GLI2: variants seen among roughly 807,000 people sequenced by gnomAD.
The protein encoded by GLI2 is GLI family zinc finger 2, also known as transcription activator GLI2.
Under a neutral mutation model 78.9 loss-of-function variants are expected in GLI2, and 22 were observed. That is an observed-to-expected ratio of 0.28 (90% CI 0.20 to 0.40). The LOEUF (loss-of-function observed/expected upper bound fraction) is 0.40, where lower values mean the gene tolerates loss of function less well. Ranked by LOEUF, GLI2 falls within the 10% of genes least tolerant of loss-of-function variation. The pLI, the probability that GLI2 is intolerant of heterozygous loss-of-function variation, is 1.00. For synonymous variants in GLI2, 974 were observed against 963.7 expected (o/e 1.01, Z -0.20); for missense variants, 2,097 against 2,213.2 (o/e 0.95, Z 1.05).
At chr2:120,941,695 A>T (rs958970537) in intron 3 of GLI2, among the ~76,000 whole-genome samples, 1 of 152,206 alleles carries the variant, frequency 6.6e-6, no homozygotes, top group Non-Finnish European at 1.5e-5. Context: ...GCAGCTCCGC[A>T]ACAGCAAAAA....
intron 2 of GLI2, among the ~76,000 whole-genome samples, chr2:120,926,375 G>C (rs1156620618): frequency 6.6e-6 from 1 of 152,090 alleles, no homozygotes; most frequent in Non-Finnish European, 1.5e-5. Context: ...CTAAAAATTT[G>C]TCTGCATTTC....
chr2:120,917,346 T>C (rs1271061159), intron 2 of GLI2, among the ~76,000 whole-genome samples: 4 of 152,268 alleles, frequency 2.6e-5, no homozygotes, highest in Non-Finnish European at 4.4e-5. Context: ...TTGACGACCA[T>C]GTAGCCAGTG....
chr2:120,758,275 G>C (rs1558782411), intron 1 of GLI2, among the ~76,000 whole-genome samples: 1 of 152,250 alleles, frequency 6.6e-6, no homozygotes, highest in Non-Finnish European at 1.5e-5. Flanking sequence ...GCTTTTCTGA[G>C]GGCTTTGTGC....
At chr2:120,868,188 G>A (rs1414667612) in intron 2 of GLI2, among the ~76,000 whole-genome samples, 1 of 152,230 alleles carries the variant, frequency 6.6e-6, no homozygotes, top group Non-Finnish European at 1.5e-5. Flanking sequence ...GAGGACTCCA[G>A]ACAAGAAGCT....
intron 5 of GLI2, among the ~76,000 whole-genome samples, chr2:120,959,587 G>A (rs184403769): frequency 5.3e-5 from 8 of 152,294 alleles, no homozygotes; most frequent in Admixed American, 5.2e-4. Flanking sequence ...CTGTGTGGAC[G>A]GTTACTCACG....
chr2:120,918,003 C>A (rs1270338009), intron 2 of GLI2, among the ~76,000 whole-genome samples: 3 of 152,198 alleles, frequency 2.0e-5, no homozygotes, highest in Non-Finnish European at 4.4e-5. Context: ...TATAGAAGAT[C>A]TTTCCTGCAA....
chr2:120,960,271 C>T (rs905059370), intron 5 of GLI2, among the ~76,000 whole-genome samples: 16 of 152,182 alleles, frequency 1.1e-4, no homozygotes, highest in African/African-American at 3.9e-4. Context: ...CCTCCTTTCT[C>T]AGCACCTTCA....
chr2:120,823,734 G>A (rs936962539), intron 2 of GLI2, among the ~76,000 whole-genome samples: 2 of 152,160 alleles, frequency 1.3e-5, no homozygotes, highest in Admixed American at 6.5e-5. Flanking sequence ...GTGGAGTCCC[G>A]GGGATGTCTC....
At chr2:120,779,761 A>T (rs1398991256) in intron 1 of GLI2, among the ~76,000 whole-genome samples, 1 of 152,228 alleles carries the variant, frequency 6.6e-6, no homozygotes, top group Non-Finnish European at 1.5e-5. Context: ...CCGGGGTCAG[A>T]CACTAGGGCG....
Position 120,750,349 on chromosome 2 carries a change from G to A in GLI2, c.-31+14064G>A, listed in dbSNP as rs79508495. Among the ~76,000 whole-genome samples, 1,385 of 152,372 alleles carry A rather than the reference G, an allele frequency of 9.1e-3. 16 individuals are homozygous for A. Among genetic ancestry groups the A allele is most frequent in the African/African-American group, 0.031 (1,282 of 41,584 alleles). ...CCCCAGAGCCAGTGCTCCCCCGAGGGGGACTGTCCAGCTGTGGCATGGCCA... is the reference window on the plus strand; with the variant it reads ...CCCCAGAGCCAGTGCTCCCCCGAGGAGGACTGTCCAGCTGTGGCATGGCCA... On this transcript the variant is annotated intron_variant, in intron 1 of 13. Transcript: ENST00000361492.
chr2:120,946,095 T>C (rs1680698053), intron 3 of GLI2, among the ~76,000 whole-genome samples: 1 of 152,128 alleles, frequency 6.6e-6, no homozygotes. Context: ...TAATGTCACC[T>C]TCTCTGAGAA....
chr2:120,761,993 G>C (rs1210048436), intron 1 of GLI2, among the ~76,000 whole-genome samples: 3 of 152,240 alleles, frequency 2.0e-5, no homozygotes, highest in Non-Finnish European at 4.4e-5. Context: ...AGTTCCCAGT[G>C]CCGCTTTGCT....
intron 2 of GLI2, among the ~76,000 whole-genome samples, chr2:120,918,268 A>G (rs931471409): frequency 6.6e-6 from 1 of 151,946 alleles, no homozygotes; most frequent in Non-Finnish European, 1.5e-5. Flanking sequence ...GCATCGGTGG[A>G]TGCCTTATAT....
In GLI2 at chr2:120,958,830, G is replaced by A. The variant is rs531229381; in HGVS notation, c.643+3400G>A. ...CACCAACTAGCTCCACTGCACTAGC[G>A]GGACCCAAGGCGCCCCCAACTGGAA... On this transcript the variant is annotated intron_variant, in intron 5 of 13. Coordinates refer to ENST00000361492, the MANE Select transcript of GLI2 (RefSeq NM_001374353.1). 1.1e-4 allele frequency among the ~76,000 whole-genome samples: 16 copies of A among 152,288 alleles called. No homozygotes were observed. The South Asian group carries it at 1.4e-3, about 14-fold the overall frequency.
At chr2:120,862,690 A>C (rs956616299) in intron 2 of GLI2, among the ~76,000 whole-genome samples, 2 of 152,128 alleles carry the variant, frequency 1.3e-5, no homozygotes, top group African/African-American at 4.8e-5. Flanking sequence ...ACAATATCTT[A>C]TTCATTATCG....
intron 2 of GLI2, among the ~76,000 whole-genome samples, chr2:120,855,420 T>C (rs1201606314): frequency 6.6e-6 from 1 of 152,192 alleles, no homozygotes; most frequent in Non-Finnish European, 1.5e-5. Flanking sequence ...CAGTGCATTG[T>C]CCATCAGCAT....
At chr2:120,740,005 T>G (rs1682482218) in intron 1 of GLI2, among the ~76,000 whole-genome samples, 1 of 152,192 alleles carries the variant, frequency 6.6e-6, no homozygotes, top group African/African-American at 2.4e-5. Context: ...GAGTGGCACC[T>G]TCAACACTTT....
intron 1 of GLI2, 44 bp from the exon 2 acceptor site, chr2:120,797,247 G>T: frequency 6.6e-7 from 1 of 1,510,452 alleles, no homozygotes; most frequent in Non-Finnish European, 9.2e-7. Flanking sequence ...TTCCCGGCTG[G>T]GTTTGGGCTC....
chr2:120,825,771 C>T (rs1686027266), intron 2 of GLI2, among the ~76,000 whole-genome samples: 1 of 152,256 alleles, frequency 6.6e-6, no homozygotes, highest in Non-Finnish European at 1.5e-5. Flanking sequence ...TTCCTGCAGA[C>T]ATCAGATCCC....
Sources: gnomAD v4.1 joint callset for allele counts (sites outside exome capture counted in the v4.1 genomes callset) on GRCh38, gnomAD v4.1.1 for gene constraint, MANE v1.5 for transcripts, NCBI Gene and HGNC (gene_info 2026-07-23, HGNC 2026-07-21) for gene names.